Variants in DNAI3 observed in about 807,000 individuals in gnomAD.
DNAI3 encodes dynein axonemal intermediate chain 3.
Under a neutral mutation model 115.5 loss-of-function variants are expected in DNAI3, and 83 were observed. The observed-to-expected ratio is 0.72, with a 90% confidence interval of 0.60 to 0.86. The LOEUF (loss-of-function observed/expected upper bound fraction) is 0.86. Ranked by LOEUF, DNAI3 falls within the 40% of genes least tolerant of loss-of-function variation. The pLI is 0.00. For missense variants in DNAI3, 1,004 were observed against 1,075.8 expected, an observed-to-expected ratio of 0.93 and a Z score of 0.93; for synonymous variants, 320 against 347.0, an observed-to-expected ratio of 0.92 and a Z score of 0.86.
chr1:85,114,276 G>A (rs1263347245), intron 16 of DNAI3, among the ~76,000 whole-genome samples: 1 of 152,140 alleles, frequency 6.6e-6, no homozygotes, highest in Non-Finnish European at 1.5e-5. Flanking sequence ...GCCTCCCAAA[G>A]TGCTGGGATT....
chr1:85,126,858 T>C (rs1656159840), intron 20 of DNAI3, 143 bp downstream of exon 20: 3 of 782,402 alleles, frequency 3.8e-6, no homozygotes, highest in Middle Eastern at 3.5e-4. Flanking sequence ...TCCCTTCTCT[T>C]CCTTTCCTTT....
intron 15 of DNAI3, among the ~76,000 whole-genome samples, chr1:85,109,326 T>C (rs959407311): frequency 6.6e-6 from 1 of 152,202 alleles, no homozygotes; most frequent in Non-Finnish European, 1.5e-5. Context: ...TATTTTGTAT[T>C]TGCTCCCAAT....
intron 1 of DNAI3, among the ~76,000 whole-genome samples, chr1:85,067,878 C>G (rs1035307812): frequency 1.3e-5 from 2 of 152,110 alleles, no homozygotes; most frequent in Non-Finnish European, 2.9e-5. Context: ...GAATGCAGCC[C>G]CACTGACTCT....
At chr1:85,083,673 C>A (rs1654696413) in intron 5 of DNAI3, among the ~76,000 whole-genome samples, 1 of 151,732 alleles carries the variant, frequency 6.6e-6, no homozygotes, top group East Asian at 1.9e-4. Context: ...ACTTAATTAT[C>A]CAGAATTTTA....
intron 1 of DNAI3, among the ~76,000 whole-genome samples, chr1:85,066,583 C>T (rs1320933071): frequency 6.6e-6 from 1 of 152,072 alleles, no homozygotes; most frequent in Non-Finnish European, 1.5e-5. Flanking sequence ...CCGCCTCGGC[C>T]TCCCAAAGTT....
At chr1:85,086,309 A>G (rs1367705917) in intron 7 of DNAI3, among the ~76,000 whole-genome samples, 1 of 152,202 alleles carries the variant, frequency 6.6e-6, no homozygotes, top group Non-Finnish European at 1.5e-5. Context: ...GTCATCTCTC[A>G]TCTGGCATAT....
chr1:85,107,584 G>A (rs1655527072), intron 14 of DNAI3, among the ~76,000 whole-genome samples: 1 of 152,152 alleles, frequency 6.6e-6, no homozygotes, highest in African/African-American at 2.4e-5. Context: ...GGATGGCTTG[G>A]GAAAAACTGC....
At chr1:85,066,574 C>T (rs1474551102) in intron 1 of DNAI3, among the ~76,000 whole-genome samples, 7 of 151,864 alleles carry the variant, frequency 4.6e-5, no homozygotes, top group Admixed American at 6.6e-5. Context: ...ATGATCTGCC[C>T]GCCTCGGCCT....
At chr1:85,112,836 C>G (rs1328749645) in intron 16 of DNAI3, among the ~76,000 whole-genome samples, 1 of 152,232 alleles carries the variant, frequency 6.6e-6, no homozygotes, top group Admixed American at 6.5e-5. Flanking sequence ...GTAGCATGGT[C>G]TCGGCACACT....
intron 11 of DNAI3, among the ~76,000 whole-genome samples, chr1:85,097,056 G>A (rs1393689892): frequency 6.6e-6 from 1 of 151,956 alleles, no homozygotes; most frequent in African/African-American, 2.4e-5. Flanking sequence ...ACCTAATTTA[G>A]TGTTATATAT....
chr1:85,105,500 C>T (rs1275838061), intron 14 of DNAI3, among the ~76,000 whole-genome samples: 1 of 141,886 alleles, frequency 7.0e-6, no homozygotes, highest in Non-Finnish European at 1.5e-5. Flanking sequence ...TGCACTCTAG[C>T]CTGGGCAACA....
intron 1 of DNAI3, among the ~76,000 whole-genome samples, chr1:85,064,459 G>A (rs72946751): frequency 0.016 from 2,407 of 152,280 alleles, 60 homozygotes; most frequent in African/African-American, 0.055. Flanking sequence ...ATGGCTGAAG[G>A]ACCCAGGAGA....
chr1:85,081,446 C>G (rs769147279), intron 4 of DNAI3, 31 bp downstream of exon 4: 35 of 1,508,392 alleles, frequency 2.3e-5, no homozygotes, highest in Non-Finnish European at 2.9e-5. Context: ...TATTTTCAGT[C>G]CTACCTCAAG....
At chr1:85,117,448 C>T (rs531308702) in intron 16 of DNAI3, among the ~76,000 whole-genome samples, 5 of 152,140 alleles carry the variant, frequency 3.3e-5, no homozygotes, top group Non-Finnish European at 5.9e-5. Flanking sequence ...AACAGGTTGC[C>T]GATGATGTTT....
chr1:85,128,125 C>CAAAAAAAAAAA (rs11344833), intron 20 of DNAI3, among the ~76,000 whole-genome samples: 30 of 64,366 alleles, frequency 4.7e-4, no homozygotes, highest in Admixed American at 6.8e-4. Flanking sequence ...GACCCTGTCT[C>CAAAAAAAAAAA]AAAAAAAAAA....
At chr1:85,072,684 A>C (rs1427770091) in intron 2 of DNAI3, among the ~76,000 whole-genome samples, 2 of 134,044 alleles carry the variant, frequency 1.5e-5, no homozygotes, top group East Asian at 4.6e-4. Context: ...GGCCGGGCAC[A>C]GTGGCTCACG....
intron 1 of DNAI3, among the ~76,000 whole-genome samples, chr1:85,071,300 G>A (rs966811305): frequency 1.3e-5 from 2 of 152,204 alleles, no homozygotes; most frequent in African/African-American, 2.4e-5. Flanking sequence ...TGAGCATGGC[G>A]GAGATGACAA....
chr1:85,093,734 A>T, intron 9 of DNAI3, 86 bp downstream of exon 9: 1 of 1,509,112 alleles, frequency 6.6e-7, no homozygotes, highest in Non-Finnish European at 9.2e-7. Flanking sequence ...AACTAGTTCA[A>T]TGTCAATAAG....
chr1:85,098,308 A>G (rs186862153), intron 12 of DNAI3, among the ~76,000 whole-genome samples: 34 of 152,338 alleles, frequency 2.2e-4, no homozygotes, highest in Non-Finnish European at 3.5e-4. Flanking sequence ...GAGTAGGTCA[A>G]TAATACTTGT....
Sources: allele counts gnomAD v4.1 joint callset (sites outside exome capture counted in the v4.1 genomes callset), GRCh38; gene constraint gnomAD v4.1.1; transcripts MANE v1.5; gene names NCBI Gene and HGNC (gene_info 2026-07-23, HGNC 2026-07-21).